The following CTNNA2 variants were observed in gnomAD, a reference collection of about 807,000 sequenced individuals.
The protein encoded by CTNNA2 is catenin alpha 2.
Under a neutral mutation model 101.0 loss-of-function variants are expected in CTNNA2, and 42 were observed. That is an observed-to-expected ratio of 0.42 (90% CI 0.32 to 0.54). CTNNA2 has a LOEUF of 0.54. Ranked by LOEUF, CTNNA2 falls within the 20% of genes least tolerant of loss-of-function variation. The pLI, the probability that CTNNA2 is intolerant of heterozygous loss-of-function variation, is 0.14. For missense variants in CTNNA2, 871 were observed against 1,223.1 expected (o/e 0.71, Z 4.29); for synonymous variants, 450 against 456.4 (o/e 0.99, Z 0.18).
chr2:80,623,129 C>T (rs1027595762), intron 18 of CTNNA2, among the ~76,000 whole-genome samples: 13 of 148,502 alleles, frequency 8.8e-5, no homozygotes, highest in African/African-American at 3.2e-4. Flanking sequence ...GACAACTGTT[C>T]TCCTTTCTTC....
intron 2 of CTNNA2, among the ~76,000 whole-genome samples, chr2:79,288,835 G>T (rs947493441): frequency 1.3e-5 from 2 of 152,172 alleles, no homozygotes; most frequent in South Asian, 2.1e-4. Context: ...GACTTTCAGT[G>T]GGGGAACTTT....
At chr2:79,620,141 CTTAACATTCTTTAG>C (rs1415642352) in intron 1 of CTNNA2, among the ~76,000 whole-genome samples, 1 of 152,150 alleles carries the variant, frequency 6.6e-6, no homozygotes, top group African/African-American at 2.4e-5. Context: ...CAGTGTGTGG[CTTAACATTCTTTAG>C]TTGCTGCCCA....
At chr2:79,728,927 T>C (rs111875609) in intron 2 of CTNNA2, among the ~76,000 whole-genome samples, 2 of 152,312 alleles carry the variant, frequency 1.3e-5, no homozygotes, top group South Asian at 2.1e-4. Flanking sequence ...TTCTGTTCCA[T>C]TGATCTATAT....
chr2:79,974,945 A>G (rs1018544679), intron 7 of CTNNA2, among the ~76,000 whole-genome samples: 5 of 152,214 alleles, frequency 3.3e-5, no homozygotes, highest in African/African-American at 1.2e-4. Flanking sequence ...TACCTGGAGA[A>G]CAGAGCGTCA....
intron 6 of CTNNA2, among the ~76,000 whole-genome samples, chr2:79,881,800 A>T (rs1475727358): frequency 1.3e-5 from 2 of 149,974 alleles, no homozygotes; most frequent in African/African-American, 4.9e-5. Context: ...CATTTAGCCC[A>T]TTTAAATTTA....
intron 7 of CTNNA2, among the ~76,000 whole-genome samples, chr2:79,965,453 A>G (rs987600776): frequency 1.3e-5 from 2 of 152,180 alleles, no homozygotes; most frequent in African/African-American, 2.4e-5. Flanking sequence ...ACATGACTTT[A>G]CAGACTTTAG....
chr2:79,659,570 G>C (rs973923042), intron 2 of CTNNA2, among the ~76,000 whole-genome samples: 2 of 152,158 alleles, frequency 1.3e-5, no homozygotes, highest in African/African-American at 2.4e-5. Context: ...TTCATGTATA[G>C]TGTGATTAAC....
intron 7 of CTNNA2, among the ~76,000 whole-genome samples, chr2:80,211,710 G>C (rs1268137182): frequency 2.0e-5 from 3 of 152,194 alleles, no homozygotes; most frequent in Non-Finnish European, 4.4e-5. Context: ...GCTCTTTTTT[G>C]GTTCCATATG....
At chr2:80,640,369 ATTTG>A (rs538150931) in intron 18 of CTNNA2, among the ~76,000 whole-genome samples, 45 of 152,282 alleles carry the variant, frequency 3.0e-4, no homozygotes, top group African/African-American at 8.9e-4. Context: ...ATGGATGAGA[ATTTG>A]TTTGATGAGA....
intron 7 of CTNNA2, among the ~76,000 whole-genome samples, chr2:80,310,560 G>A (rs1677470129): frequency 6.6e-6 from 1 of 152,194 alleles, no homozygotes; most frequent in African/African-American, 2.4e-5. Context: ...AGACAGCAGG[G>A]ACAAGTGAGG....
chr2:80,643,976 G>A (rs938204644), intron 18 of CTNNA2, among the ~76,000 whole-genome samples: 1 of 152,150 alleles, frequency 6.6e-6, no homozygotes, highest in Admixed American at 6.6e-5. Flanking sequence ...TTAAAAGGAT[G>A]TTGCCAGGTT....
chr2:79,245,623 T>A (rs1423320546), intron 2 of CTNNA2, among the ~76,000 whole-genome samples: 1 of 152,232 alleles, frequency 6.6e-6, no homozygotes, highest in Non-Finnish European at 1.5e-5. Flanking sequence ...TTCAGTCCGA[T>A]TAAAATTGTT....
chr2:80,406,350 AT>A (rs1327576436), intron 8 of CTNNA2, among the ~76,000 whole-genome samples: 103 of 149,088 alleles, frequency 6.9e-4, no homozygotes, highest in African/African-American at 2.5e-3. Flanking sequence ...AAAAAAAAAA[AT>A]GCACCTTTGA....
At chr2:79,971,196 T>C (rs776735073) in intron 7 of CTNNA2, among the ~76,000 whole-genome samples, 23 of 152,184 alleles carry the variant, frequency 1.5e-4, no homozygotes, top group African/African-American at 5.1e-4. Context: ...CAATGTTTCT[T>C]GTAAACTCAA....
At chr2:79,911,060 A>G (rs962886176) in intron 7 of CTNNA2, among the ~76,000 whole-genome samples, 1 of 152,222 alleles carries the variant, frequency 6.6e-6, no homozygotes, top group African/African-American at 2.4e-5. Flanking sequence ...TGTGGCACCC[A>G]GCTGCTTATG....
At chr2:79,710,627 A>T (rs1056587583) in intron 2 of CTNNA2, among the ~76,000 whole-genome samples, 2 of 152,210 alleles carry the variant, frequency 1.3e-5, no homozygotes, top group African/African-American at 4.8e-5. Context: ...AGGATGCCAC[A>T]GAGGTGTTTG....
chr2:80,175,507 C>A (rs1483655479), intron 7 of CTNNA2, among the ~76,000 whole-genome samples: 1 of 152,144 alleles, frequency 6.6e-6, no homozygotes, highest in Non-Finnish European at 1.5e-5. Flanking sequence ...TTACTCTCTC[C>A]TTCAACAAAT....
chr2:80,304,444 G>A (rs186243385), intron 7 of CTNNA2: 1 of 152,660 alleles, frequency 6.6e-6, no homozygotes, highest in Non-Finnish European at 1.5e-5. Flanking sequence ...GTGACGTTGT[G>A]GGGGGAAAAA....
intron 7 of CTNNA2, among the ~76,000 whole-genome samples, chr2:79,990,885 T>G (rs1692125178): frequency 6.6e-6 from 1 of 152,166 alleles, no homozygotes; most frequent in Non-Finnish European, 1.5e-5. Flanking sequence ...CTGGTAGAGT[T>G]TGGCTGTGAG....
Sources: gnomAD v4.1 joint callset for allele counts (sites outside exome capture counted in the v4.1 genomes callset) on GRCh38, gnomAD v4.1.1 for gene constraint, MANE v1.5 for transcripts, NCBI Gene and HGNC (gene_info 2026-07-23, HGNC 2026-07-21) for gene names.